HP: variants seen among roughly 807,000 people sequenced by gnomAD.
The protein encoded by HP is haptoglobin alpha(1S)-beta.
HP carries 9 observed loss-of-function variants against 23.2 expected under a neutral mutation model. That is an observed-to-expected ratio of 0.39 (90% CI 0.23 to 0.68). The LOEUF is 0.68. Ranked by LOEUF, HP falls within the 30% of genes least tolerant of loss-of-function variation. HP has a pLI of 0.47. For synonymous variants in HP, 155 were observed against 183.3 expected (o/e 0.85, Z 1.25); for missense variants, 433 against 483.6 (o/e 0.90, Z 0.98).
chr16:72,059,353 C>G, intron 6 of HP, 165 bp downstream of exon 6: 6 of 974,734 alleles, frequency 6.2e-6, no homozygotes, highest in Non-Finnish European at 7.7e-6. Context: ...TGATGACTCC[C>G]TAAGGGTCAC....
chr16:72,057,071 A>C (rs959047612), intron 3 of HP: 25 of 405,974 alleles, frequency 6.2e-5, no homozygotes, highest in Non-Finnish European at 9.2e-5. Flanking sequence ...ACTGAGGCAC[A>C]GACAGGTTGA....
At position 72,060,327 on chromosome 16, in the gene HP, A is replaced by C; in HGVS notation, c.658A>C (p.Thr220Pro). 1 of 1,614,078 alleles carries C rather than the reference A, an allele frequency of 6.2e-7. No homozygotes were observed. Among genetic ancestry groups the C allele is most frequent in the South Asian group, 1.1e-5 (1 of 91,082 alleles). ...TGCAACAGCGAAAGACATTGCCCCT[A>C]CTTTAACACTCTATGTGGGGAAAAA... ...ENATAKDIAP[T>P]LTLYVGKKQL... is the part of the protein sequence containing the mutation. The change falls in exon 7 of 7, where the codon ACT becomes CCT. Residue 220 changes from threonine to proline, a missense_variant. Thr to Pro is a conservative substitution (Grantham distance 38). Coordinates refer to ENST00000355906, the MANE Select transcript of HP (RefSeq NM_005143.5).
At chr16:72,056,044 A>T in intron 1 of HP, 117 bp from the exon 2 acceptor site, 2 of 1,461,136 alleles carry the variant, frequency 1.4e-6, no homozygotes, top group Non-Finnish European at 1.9e-6. Context: ...AAGTGGGAGG[A>T]GTGTGTGTGT....
At chr16:72,055,967 TG>T in intron 1 of HP, 193 bp from the exon 2 acceptor site, 1 of 957,600 alleles carries the variant, frequency 1.0e-6, no homozygotes. Context: ...AAAGTGTGTA[TG>T]GGCAGGTGTG....
At chr16:72,055,496 T>C (rs557769964) in intron 1 of HP, 4 of 160,982 alleles carry the variant, frequency 2.5e-5, no homozygotes, top group South Asian at 1.7e-4. Context: ...GTTAGTGAGA[T>C]GGTGAACTGG....
chr16:72,055,927 G>C, intron 1 of HP: 1 of 673,720 alleles, frequency 1.5e-6, no homozygotes, highest in South Asian at 1.6e-5. Context: ...GACAGGGCTT[G>C]CTGGAAGCTT....
At chr16:72,056,059 A>ATG (rs148260617) in intron 1 of HP, 102 bp from the exon 2 acceptor site, 29,112 of 1,399,806 alleles carry the variant, frequency 0.021, 68 homozygotes, top group Non-Finnish European at 0.025. Context: ...GTGTGTATGC[A>ATG]TGTGTGTGTG....
intron 1 of HP, chr16:72,054,920 T>A: frequency 1.5e-6 from 1 of 651,642 alleles, no homozygotes; most frequent in Non-Finnish European, 2.6e-6. Flanking sequence ...GGGTATGTCA[T>A]CAGCTCCCGT....
At chr16:72,059,541 C>G in intron 6 of HP, 1 of 294,906 alleles carries the variant, frequency 3.4e-6, no homozygotes, top group Non-Finnish European at 6.4e-6. Context: ...CCATGGAAGC[C>G]TAGCAGGAGG....
At position 72,058,941 on chromosome 16, in the gene HP, G is replaced by C. The variant is rs1236967343; in HGVS notation, c.368-173G>C. On this transcript the variant is annotated intron_variant, in intron 5 of 6. Transcript: ENST00000355906. ...GGCTTAACTGGCATCCAGGCACTTG[G>C]CTTCCAGCACAGCACTCTTTCCCTT... Among the ~76,000 whole-genome samples the C allele has an allele frequency of 1.4e-5, 2 of 140,176 alleles. 1 individual carries two copies. The allele number at this position is 140,176 out of a possible 152,430, so 92.0% of individuals were successfully genotyped here.
At position 72,060,231 on chromosome 16, in the gene HP, G is replaced by T. The variant is rs2041520447; in HGVS notation, c.562G>T (p.Gly188Cys). 6.2e-7 allele frequency: 1 copy of T among 1,614,150 alleles called. No homozygotes were observed. Residue 188 changes from glycine (G) to cysteine (C), a missense_variant, in exon 7 of 7, where the codon GGT (glycine) becomes TGT (cysteine). Transcript: ENST00000355906. The part of the protein sequence containing the change: ...KMVSHHNLTT[G>C]ATLINEQWLL... ...GGTTTCCCACCATAATCTCACCACAGGTGCCACGCTGATCAATGAACAATG... is the reference window on the plus strand; with the variant it reads ...GGTTTCCCACCATAATCTCACCACATGTGCCACGCTGATCAATGAACAATG...
At chr16:72,056,030 T>G in intron 1 of HP, 131 bp from the exon 2 acceptor site, 1 of 1,440,418 alleles carries the variant, frequency 6.9e-7, no homozygotes, top group Non-Finnish European at 9.6e-7. Context: ...CTTTTCTGGC[T>G]GCTAAGTGGG....
At chr16:72,059,893 A>G in intron 6 of HP, 1 of 1,118,082 alleles carries the variant, frequency 8.9e-7, no homozygotes, top group East Asian at 2.6e-5. Context: ...CCTTTGTTAG[A>G]AAAGTGGGAA....
chr16:72,056,843 G>A, intron 3 of HP: 1 of 382,778 alleles, frequency 2.6e-6, no homozygotes, highest in Middle Eastern at 5.6e-4. Flanking sequence ...TTGTTAAGGG[G>A]AGGCGATGCC....
Position 72,060,171 on chromosome 16 carries a change from G to A in HP, c.502G>A (p.Asp168Asn). ...GCAGCGGATCCTGGGTGGACACCTG[G>A]ATGCCAAAGGCAGCTTTCCCTGGCA... ...PVQRILGGHL[D>N]AKGSFPWQAK... Residue 168 changes from aspartate to asparagine, a missense_variant, in exon 7 of 7, where the codon GAT (aspartate) becomes AAT (asparagine). Asp to Asn is a conservative substitution (Grantham distance 23). This residue lies in a region of HP where 326 missense variants were observed against 358.1 expected (regional missense o/e 0.91). Coordinates refer to ENST00000355906, the MANE Select transcript of HP (RefSeq NM_005143.5). 1 of 1,613,996 alleles carries A rather than the reference G, an allele frequency of 6.2e-7. No homozygotes were observed. Among genetic ancestry groups the A allele is most frequent in the Non-Finnish European group, 8.5e-7 (1 of 1,179,990 alleles).
At chr16:72,057,108 G>A in intron 3 of HP, 1 of 495,556 alleles carries the variant, frequency 2.0e-6, no homozygotes, top group Non-Finnish European at 3.7e-6. Flanking sequence ...CAGGCAGCCT[G>A]TAAGAGGCAG....
At chr16:72,058,903 G>C (rs1203508993) in intron 5 of HP, among the ~76,000 whole-genome samples, 1 of 140,384 alleles carries the variant, frequency 7.1e-6, no homozygotes, top group Non-Finnish European at 1.5e-5. Flanking sequence ...CATGACCACA[G>C]TGTGTTCTGC....
Position 72,059,154 on chromosome 16 carries a change from G to T in HP, c.408G>T (p.Lys136Asn), listed in dbSNP as rs1286027988. The T allele has an allele frequency of 6.4e-7, 1 of 1,565,582 alleles. No homozygotes were observed. Among genetic ancestry groups the T allele is most frequent in the Non-Finnish European group, 8.7e-7 (1 of 1,149,084 alleles). ...ACAATGAGAAGCAGTGGATAAATAA[G>T]GCTGTTGGAGATAAACTTCCTGAAT... ...TLNNEKQWIN[K>N]AVGDKLPECE... The change falls in exon 6 of 7, where the codon AAG becomes AAT. Residue 136 changes from lysine (K) to asparagine (N), a missense_variant. Coordinates refer to ENST00000355906, the MANE Select transcript of HP (RefSeq NM_005143.5).
At chr16:72,054,925 T>A (rs1463892169) in intron 1 of HP, 1 of 636,908 alleles carries the variant, frequency 1.6e-6, no homozygotes, top group African/African-American at 1.8e-5. Flanking sequence ...TGTCATCAGC[T>A]CCCGTGGTAG....
Sources: allele counts gnomAD v4.1 joint callset (sites outside exome capture counted in the v4.1 genomes callset), GRCh38; gene constraint gnomAD v4.1.1; regional missense constraint gnomAD v4.1.1; transcripts MANE v1.5; gene names NCBI Gene and HGNC (gene_info 2026-07-23, HGNC 2026-07-21).